Variants in SSX2IP observed in about 807,000 individuals in gnomAD.
SSX2IP encodes the protein afadin- and alpha-actinin-binding protein.
In SSX2IP, 55 loss-of-function variants were observed where a neutral mutation model predicts 84.9. That is an observed-to-expected ratio of 0.65 (90% CI 0.52 to 0.81). The LOEUF is 0.81. Ranked by LOEUF, SSX2IP falls within the 30% of genes least tolerant of loss-of-function variation. The pLI is 0.00. For missense variants in SSX2IP, 664 were observed against 705.2 expected (o/e 0.94, Z 0.66); for synonymous variants, 239 against 234.7 (o/e 1.02, Z -0.17).
At chr1:84,653,744 G>A (rs888288058) in intron 11 of SSX2IP, among the ~76,000 whole-genome samples, 2 of 152,090 alleles carry the variant, frequency 1.3e-5, no homozygotes, top group African/African-American at 4.8e-5. Context: ...TATTGATACA[G>A]AATCACGCAT....
At chr1:84,672,321 G>A (rs1653695020) in intron 1 of SSX2IP, among the ~76,000 whole-genome samples, 5 of 152,074 alleles carry the variant, frequency 3.3e-5, no homozygotes, top group Admixed American at 2.0e-4. Flanking sequence ...AGGGGAAAGC[G>A]GTTGTGTTGA....
At chr1:84,649,734 G>T in intron 13 of SSX2IP, 3 of 307,350 alleles carry the variant, frequency 9.8e-6, no homozygotes, top group Non-Finnish European at 6.4e-6. Flanking sequence ...CCTCTTCTTC[G>T]TTTAAAACTA....
intron 2 of SSX2IP, among the ~76,000 whole-genome samples, 177 bp from the exon 3 acceptor site, chr1:84,670,992 T>C (rs74098433): frequency 0.029 from 4,442 of 152,288 alleles, 214 homozygotes; most frequent in African/African-American, 0.099. Flanking sequence ...GAAAATGATA[T>C]ACTTTTTTTT....
At chr1:84,658,268 A>T (rs776245177) in intron 9 of SSX2IP, 50 bp downstream of exon 9, 4 of 1,603,722 alleles carry the variant, frequency 2.5e-6, no homozygotes, top group Non-Finnish European at 2.6e-6. Context: ...AAAAATCAAC[A>T]CCTTACCAAA....
chr1:84,677,006 T>C (rs1654439073), intron 1 of SSX2IP, among the ~76,000 whole-genome samples: 1 of 152,194 alleles, frequency 6.6e-6, no homozygotes. Context: ...TGAGCCACCA[T>C]GCCCAGTCAA....
intron 1 of SSX2IP, among the ~76,000 whole-genome samples, chr1:84,676,968 G>A (rs1226986233): frequency 1.3e-5 from 2 of 151,886 alleles, no homozygotes; most frequent in Non-Finnish European, 2.9e-5. Flanking sequence ...GCCCGCCTCG[G>A]ACTTCCAAAG....
intron 1 of SSX2IP, among the ~76,000 whole-genome samples, chr1:84,687,185 C>T (rs1655919372): frequency 6.6e-6 from 1 of 152,116 alleles, no homozygotes; most frequent in African/African-American, 2.4e-5. Context: ...GGCACAAGAT[C>T]ACATAGCTAG....
At position 84,662,249 on chromosome 1, in the gene SSX2IP, AAGAAG is replaced by A; in HGVS notation, c.871_875del (p.Leu291PhefsTer8). On this transcript the variant is annotated frameshift_variant, in exon 8 of 14. Coordinates refer to ENST00000342203, the MANE Select transcript of SSX2IP (RefSeq NM_001166293.2). LOFTEE classifies it high-confidence loss of function. Reference sequence around the variant, plus strand: ...CTCTAGGTTTCTTCTTTTGGGGAGAAAGAAGAGAAATCATTTCCTTTTTCATTTGT... The same window carrying A: ...CTCTAGGTTTCTTCTTTTGGGGAGAAAGAAATCATTTCCTTTTTCATTTGT... 6.2e-7 allele frequency: 1 copy of A among 1,608,396 alleles called. No homozygotes were observed. Among genetic ancestry groups the A allele is most frequent in the Non-Finnish European group, 8.5e-7 (1 of 1,178,142 alleles).
In SSX2IP at chr1:84,656,274, A is replaced by T. The variant is rs1445144812; in HGVS notation, c.1215+74T>A. ...TACCAGGGCCTTATGAAATAAAGGA[A>T]TACAAATCTGGTAAGGTTCAGCACA... is the stretch of plus-strand genomic sequence containing the variant. On this transcript the variant is annotated intron_variant, in intron 10 of 13. Transcript: ENST00000342203. The T allele has an allele frequency of 4.1e-6, 6 of 1,456,080 alleles. No individual in the cohort carries two copies. In the African/African-American group the frequency reaches 8.5e-5, roughly 21 times the overall value. 90.2% of individuals were successfully genotyped at this position (1,456,080 alleles called of 1,614,324 possible). A position where few individuals can be genotyped will look rare whatever the true frequency, so the allele number is the denominator to read the frequency against.
rs1260772256 is a variant in SSX2IP, at chr1:84,646,412, A to G, written c.*1021T>C. ...AAATTTGATGGTTTTATATTATCAT[A>G]TTTCTTCAGTGGTAAATACCTCATT... On this transcript the variant is annotated 3_prime_UTR_variant, in exon 14 of 14. Transcript: ENST00000342203. 1 of 152,590 alleles carries G rather than the reference A, an allele frequency of 6.6e-6. No homozygotes were observed. The highest frequency in any genetic ancestry group is 1.5e-5 in the Non-Finnish European group (1 of 68,028). The allele number at this position is 152,590 out of a possible 1,614,324, so 9.5% of individuals were successfully genotyped here.
At chr1:84,676,046 T>C (rs1171429408) in intron 1 of SSX2IP, among the ~76,000 whole-genome samples, 1 of 152,246 alleles carries the variant, frequency 6.6e-6, no homozygotes, top group Non-Finnish European at 1.5e-5. Context: ...GTCACAGATG[T>C]GTCTTTAACC....
Position 84,647,454 on chromosome 1 carries a change from T to G in SSX2IP, c.1824A>C (p.Val608=). 6.2e-7 allele frequency: 1 copy of G among 1,604,080 alleles called. No homozygotes were observed. Among genetic ancestry groups the G allele is most frequent in the Non-Finnish European group, 8.5e-7 (1 of 1,175,592 alleles). The change falls in exon 14 of 14, where the codon GTA becomes GTC. Residue 608 remains valine (V), a synonymous_variant. Transcript: ENST00000342203. ...ATGTCTAAGGTAAGTCATCTTTTTC[T>G]ACATGAGAATTTGTGTAGCTCAAGG... is the stretch of plus-strand genomic sequence containing the variant. ...GCSLSYTNSH[V]EKDDLP is the part of the protein sequence containing the mutation.
In SSX2IP at chr1:84,656,359, G is replaced by A. The variant is rs375495640; in HGVS notation, c.1204C>T (p.Gln402Ter). Residue 402 changes from glutamine to a stop codon, truncating the protein, a stop_gained, in exon 10 of 14, where the codon CAG (glutamine) becomes TAG (stop). Transcript: ENST00000342203. LOFTEE classifies it high-confidence loss of function. ...QCKEMIKTQQ[Q>*]LLQQQLATAY... Reference sequence around the variant, plus strand: ...TAATTCATATTCACCTGTAAAAGCTGTTGCTGAGTTTTAATCATTTCTTTA... The same window carrying A: ...TAATTCATATTCACCTGTAAAAGCTATTGCTGAGTTTTAATCATTTCTTTA... 6.2e-7 allele frequency: 1 copy of A among 1,610,606 alleles called. No homozygotes were observed.
rs1649233116 is a variant in SSX2IP, at chr1:84,644,308, T to A, written c.*3125A>T. On this transcript the variant is annotated 3_prime_UTR_variant, in exon 14 of 14. Transcript: ENST00000342203. Reference sequence around the variant, plus strand: ...ATGTGTCCGTAGCATCCACCATTGTTTATTACAATGTAGGTTTAATAGTTG... The same window carrying A: ...ATGTGTCCGTAGCATCCACCATTGTATATTACAATGTAGGTTTAATAGTTG... 1 of 152,192 alleles carries A rather than the reference T, an allele frequency of 6.6e-6. No individual in the cohort carries two copies. The highest frequency in any genetic ancestry group is 6.5e-5 in the Admixed American group (1 of 15,280). 9.4% of individuals were successfully genotyped at this position (152,192 alleles called of 1,614,324 possible).
intron 8 of SSX2IP, among the ~76,000 whole-genome samples, chr1:84,659,518 G>A (rs762128022): frequency 3.9e-5 from 6 of 152,152 alleles, no homozygotes; most frequent in Non-Finnish European, 8.8e-5. Context: ...ATTATTGGCC[G>A]GGCGCGGTGG....
chr1:84,655,408 G>A (rs989954198), intron 11 of SSX2IP: 76 of 1,285,016 alleles, frequency 5.9e-5, no homozygotes, highest in South Asian at 7.5e-5. Context: ...GCTGTAGAGC[G>A]TATATATAAC....
At chr1:84,666,334 T>C (rs538046206) in intron 4 of SSX2IP, 102 bp from the exon 5 acceptor site, 215 of 806,994 alleles carry the variant, frequency 2.7e-4, no homozygotes, top group Non-Finnish European at 3.4e-4. Flanking sequence ...CTAGTGTTTA[T>C]TAGTCAAAAT....
At position 84,664,431 on chromosome 1, in the gene SSX2IP, T is replaced by C; in HGVS notation, c.659A>G (p.Lys220Arg). Residue 220 changes from lysine to arginine, a missense_variant, in exon 6 of 14, where the codon AAA (lysine) becomes AGA (arginine). Physicochemically the swap from Lys to Arg is conservative, Grantham distance 26. Coordinates refer to ENST00000342203, the MANE Select transcript of SSX2IP (RefSeq NM_001166293.2). Reference protein sequence around the residue: ...ERLHQLVMNKKDKKIAMDILN... With the variant: ...ERLHQLVMNKRDKKIAMDILN... ...CAGCTGTTTACCTATTTTCTTATCTTTCTTGTTCATAACAAGTTGATGTAG... is the reference window on the plus strand; with the variant it reads ...CAGCTGTTTACCTATTTTCTTATCTCTCTTGTTCATAACAAGTTGATGTAG... 1 of 1,588,410 alleles carries C rather than the reference T, an allele frequency of 6.3e-7. No individual in the cohort carries two copies. Among genetic ancestry groups the C allele is most frequent in the Non-Finnish European group, 8.5e-7 (1 of 1,171,916 alleles).
chr1:84,647,393 TTGA>T lies in SSX2IP; in HGVS notation c.*37_*39del, dbSNP rs1649573543. The T allele has an allele frequency of 3.3e-6, 5 of 1,507,452 alleles. No homozygotes were observed. The highest frequency in any genetic ancestry group is 4.5e-6 in the Non-Finnish European group (5 of 1,122,036). 93.4% of individuals were successfully genotyped at this position (1,507,452 alleles called of 1,614,324 possible). On this transcript the variant is annotated 3_prime_UTR_variant, in exon 14 of 14. Coordinates refer to ENST00000342203, the MANE Select transcript of SSX2IP (RefSeq NM_001166293.2). ...CCCTGTTTCAACTTAGATGTGAAAC[TTGA>T]TGAACACATTAATGAAAAAAATTCC... is the stretch of plus-strand genomic sequence containing the variant.
Sources: gnomAD v4.1 joint callset for allele counts (sites outside exome capture counted in the v4.1 genomes callset) on GRCh38, gnomAD v4.1.1 for gene constraint, MANE v1.5 for transcripts, NCBI Gene and HGNC (gene_info 2026-07-23, HGNC 2026-07-21) for gene names.